The following ARFIP1 variants were observed in gnomAD, a reference collection of about 807,000 sequenced individuals.
ARFIP1 encodes the protein ARF interacting protein 1.
ARFIP1 carries 24 observed loss-of-function variants against 42.5 expected under a neutral mutation model. The observed-to-expected ratio is 0.57, with a 90% confidence interval of 0.41 to 0.80. ARFIP1 has a LOEUF of 0.80. Among genes scored for constraint, ARFIP1 ranks in the 30% least tolerant of loss-of-function variants. The pLI, the probability that ARFIP1 is intolerant of heterozygous loss-of-function variation, is 0.00. For missense variants in ARFIP1, 354 were observed against 434.0 expected (o/e 0.82, Z 1.64); for synonymous variants, 141 against 153.7 (o/e 0.92, Z 0.61).
intron 1 of ARFIP1, among the ~76,000 whole-genome samples, chr4:152,819,015 C>A (rs1038184085): frequency 2.0e-5 from 3 of 152,194 alleles, no homozygotes; most frequent in Non-Finnish European, 4.4e-5. Context: ...CCAGCCCCCA[C>A]CCAGCTTTGC....
At chr4:152,862,405 T>G (rs914269997) in intron 2 of ARFIP1, among the ~76,000 whole-genome samples, 1 of 151,916 alleles carries the variant, frequency 6.6e-6, no homozygotes, top group Admixed American at 6.6e-5. Flanking sequence ...TTTGATTGCA[T>G]ATTGCCTTCA....
chr4:152,792,671 C>T (rs1445519319), intron 1 of ARFIP1, among the ~76,000 whole-genome samples: 2 of 152,144 alleles, frequency 1.3e-5, no homozygotes, highest in Non-Finnish European at 2.9e-5. Flanking sequence ...TCTAATACCT[C>T]CTGCCCTCTC....
At chr4:152,891,665 G>A (rs1736860543) in intron 8 of ARFIP1, among the ~76,000 whole-genome samples, 1 of 152,008 alleles carries the variant, frequency 6.6e-6, no homozygotes, top group African/African-American at 2.4e-5. Context: ...ATGTGTGGTT[G>A]CCAGGTAATC....
In ARFIP1 at chr4:152,845,030, G is replaced by C. The variant is rs183476394; in HGVS notation, c.93+15304G>C. Among the ~76,000 whole-genome samples, 28 of 152,224 alleles carry C rather than the reference G, an allele frequency of 1.8e-4. No individual in the cohort carries two copies. In the East Asian group the frequency reaches 2.3e-3, roughly 13 times the overall value. ...AACAGGCACATTGACCAATGAAACA[G>C]AATAGAGAACCCAGAAATAAAGCAT... On this transcript the variant is annotated intron_variant, in intron 2 of 8. Coordinates refer to ENST00000353617, the MANE Select transcript of ARFIP1 (RefSeq NM_001025595.3).
At chr4:152,884,461 A>G (rs1246411118) in intron 7 of ARFIP1, among the ~76,000 whole-genome samples, 2 of 151,770 alleles carry the variant, frequency 1.3e-5, no homozygotes, top group Admixed American at 6.6e-5. Flanking sequence ...TTTATCTCTA[A>G]TCATTTTAAA....
chr4:152,893,194 A>G (rs1419831766), intron 8 of ARFIP1, among the ~76,000 whole-genome samples: 3 of 152,208 alleles, frequency 2.0e-5, no homozygotes, highest in Non-Finnish European at 2.9e-5. Flanking sequence ...TCCCAGAATT[A>G]GAGGCGCACT....
intron 1 of ARFIP1, among the ~76,000 whole-genome samples, chr4:152,826,087 AAGT>A (rs1473449773): frequency 6.6e-6 from 1 of 152,174 alleles, no homozygotes; most frequent in South Asian, 2.1e-4. Flanking sequence ...AAAGAAGTAA[AAGT>A]AGATCTACCA....
intron 5 of ARFIP1, 22 bp downstream of exon 5, chr4:152,872,586 C>A (rs754184729): frequency 2.8e-6 from 4 of 1,433,320 alleles, no homozygotes; most frequent in Non-Finnish European, 3.8e-6. Context: ...TTTAATGTTT[C>A]CACCCTAAAT....
At chr4:152,896,480 G>A (rs1413085673) in intron 8 of ARFIP1, among the ~76,000 whole-genome samples, 1 of 152,016 alleles carries the variant, frequency 6.6e-6, no homozygotes, top group Non-Finnish European at 1.5e-5. Context: ...AATGAAAATA[G>A]CAAAGCACAA....
chr4:152,895,305 T>C (rs1424087462), intron 8 of ARFIP1, among the ~76,000 whole-genome samples: 1 of 152,204 alleles, frequency 6.6e-6, no homozygotes, highest in Non-Finnish European at 1.5e-5. Context: ...GGTAAAACAG[T>C]AACACAGACT....
chr4:152,793,267 G>A (rs1731237398), intron 1 of ARFIP1, among the ~76,000 whole-genome samples: 1 of 148,324 alleles, frequency 6.7e-6, no homozygotes, highest in Non-Finnish European at 1.5e-5. Context: ...AGCCGAGATA[G>A]CACCATCGTA....
At chr4:152,804,443 TTA>T (rs572168167) in intron 1 of ARFIP1, among the ~76,000 whole-genome samples, 2,601 of 82,612 alleles carry the variant, frequency 0.031, 50 homozygotes, top group Admixed American at 0.049. Context: ...ATAACATGTA[TTA>T]TATATATTAT....
intron 1 of ARFIP1, among the ~76,000 whole-genome samples, chr4:152,783,023 G>C (rs900075846): frequency 2.6e-5 from 4 of 152,080 alleles, no homozygotes; most frequent in African/African-American, 9.7e-5. Flanking sequence ...AGAGAATAGC[G>C]TATGCTAGGC....
intron 1 of ARFIP1, among the ~76,000 whole-genome samples, chr4:152,806,553 A>G (rs1729009048): frequency 1.3e-5 from 2 of 152,148 alleles, no homozygotes; most frequent in African/African-American, 4.8e-5. Context: ...ATATAAGTGT[A>G]CTCATTTAAA....
At chr4:152,874,416 G>A (rs907096471) in intron 5 of ARFIP1, among the ~76,000 whole-genome samples, 1 of 152,174 alleles carries the variant, frequency 6.6e-6, no homozygotes, top group African/African-American at 2.4e-5. Context: ...GAAAAAGAAA[G>A]TATCTGACTT....
At chr4:152,871,960 T>A (rs535833312) in intron 4 of ARFIP1, among the ~76,000 whole-genome samples, 1 of 152,274 alleles carries the variant, frequency 6.6e-6, no homozygotes, top group African/African-American at 2.4e-5. Flanking sequence ...TGAACTACTG[T>A]ATGAAATTTG....
chr4:152,839,606 CAG>C (rs942638936), intron 2 of ARFIP1, among the ~76,000 whole-genome samples: 5 of 152,092 alleles, frequency 3.3e-5, no homozygotes, highest in Non-Finnish European at 5.9e-5. Context: ...TTTTGTTTGT[CAG>C]TGGTGTCAGT....
rs1295340011 is a variant in ARFIP1, at chr4:152,888,251, T to C, written c.910T>C (p.Tyr304His). ...QHLFQAHKEKYDKMRNDVSVK... is the reference protein window; with the variant it reads ...QHLFQAHKEKHDKMRNDVSVK... ...TCTCTTCCAAGCACATAAGGAAAAA[T>C]ATGATAAAATGCGCAATGATGTTTC... The change falls in exon 8 of 9, where the codon TAT becomes CAT. Residue 304 changes from tyrosine to histidine, a missense_variant. Coordinates refer to ENST00000353617, the MANE Select transcript of ARFIP1 (RefSeq NM_001025595.3). 6.2e-7 allele frequency: 1 copy of C among 1,609,328 alleles called. No individual in the cohort carries two copies. Among genetic ancestry groups the C allele is most frequent in the African/African-American group, 1.3e-5 (1 of 74,678 alleles).
chr4:152,897,319 T>TG (rs1004595058), intron 8 of ARFIP1, among the ~76,000 whole-genome samples: 1 of 150,464 alleles, frequency 6.6e-6, no homozygotes, highest in African/African-American at 2.4e-5. Context: ...TTCATATAGT[T>TG]TTTTTTTTTT....
Sources: allele counts gnomAD v4.1 joint callset (sites outside exome capture counted in the v4.1 genomes callset), GRCh38; gene constraint gnomAD v4.1.1; transcripts MANE v1.5; gene names NCBI Gene and HGNC (gene_info 2026-07-23, HGNC 2026-07-21).